The following ARHGAP24 variants were observed in gnomAD, a reference collection of about 807,000 sequenced individuals.
The protein encoded by ARHGAP24 is Rho GTPase activating protein 24.
In ARHGAP24, 50 loss-of-function variants were observed where a neutral mutation model predicts 76.4. The observed-to-expected ratio is 0.65, with a 90% confidence interval of 0.52 to 0.83. The LOEUF (loss-of-function observed/expected upper bound fraction) is 0.83, where lower values mean the gene tolerates loss of function less well. ARHGAP24 is among the 40% of genes least tolerant of loss of function. The probability of loss-of-function intolerance (pLI) is 0.00; values close to 1 mark genes in which losing one functional copy is unlikely to be tolerated. For synonymous variants in ARHGAP24, 345 were observed against 323.3 expected (o/e 1.07, Z -0.72); for missense variants, 930 against 914.2 (o/e 1.02, Z -0.22).
chr4:85,711,200 C>T (rs1269908508), intron 2 of ARHGAP24, among the ~76,000 whole-genome samples: 1 of 151,884 alleles, frequency 6.6e-6, no homozygotes, highest in African/African-American at 2.4e-5. Flanking sequence ...ATGATGAGAA[C>T]ACATGAACAC....
intron 2 of ARHGAP24, among the ~76,000 whole-genome samples, chr4:85,652,360 G>A (rs1721979087): frequency 6.6e-6 from 1 of 152,156 alleles, no homozygotes; most frequent in African/African-American, 2.4e-5. Flanking sequence ...ATGAAATGGA[G>A]TATAATTCAG....
intron 3 of ARHGAP24, among the ~76,000 whole-genome samples, chr4:85,851,755 T>C (rs1023572726): frequency 1.3e-5 from 2 of 152,190 alleles, no homozygotes; most frequent in Non-Finnish European, 1.5e-5. Context: ...ATTATTTTCT[T>C]TGAGAATGTT....
intron 6 of ARHGAP24, among the ~76,000 whole-genome samples, chr4:85,973,842 T>TTTTTG (rs1382966969): frequency 1.2e-5 from 1 of 80,568 alleles, no homozygotes; most frequent in Non-Finnish European, 2.6e-5. Flanking sequence ...TGTTTTTTTT[T>TTTTTG]TTTTTTTTTT....
At chr4:85,663,148 G>C (rs1435835334) in intron 2 of ARHGAP24, among the ~76,000 whole-genome samples, 2 of 151,464 alleles carry the variant, frequency 1.3e-5, no homozygotes, top group East Asian at 3.9e-4. Context: ...TCCTACCCAT[G>C]AGCATGGAAT....
At chr4:85,519,259 C>T (rs2110110104) in intron 1 of ARHGAP24, among the ~76,000 whole-genome samples, 1 of 152,212 alleles carries the variant, frequency 6.6e-6, no homozygotes, top group South Asian at 2.1e-4. Flanking sequence ...TTAGTAGGTG[C>T]TGAATGTCAT....
At chr4:85,737,253 C>A (rs2110057326) in intron 3 of ARHGAP24, among the ~76,000 whole-genome samples, 1 of 152,264 alleles carries the variant, frequency 6.6e-6, no homozygotes, top group Admixed American at 6.5e-5. Flanking sequence ...ATGTAAAATT[C>A]ACCCATTCTG....
At chr4:85,557,870 G>T (rs889771504) in intron 1 of ARHGAP24, among the ~76,000 whole-genome samples, 1 of 152,158 alleles carries the variant, frequency 6.6e-6, no homozygotes, top group African/African-American at 2.4e-5. Flanking sequence ...TATCTTTAAT[G>T]AAGTGTACAT....
intron 2 of ARHGAP24, among the ~76,000 whole-genome samples, chr4:85,654,013 T>C (rs1282866371): frequency 6.6e-6 from 1 of 152,108 alleles, no homozygotes; most frequent in African/African-American, 2.4e-5. Flanking sequence ...AGATGTAGCA[T>C]TTTTGGTACT....
intron 2 of ARHGAP24, among the ~76,000 whole-genome samples, chr4:85,712,497 A>G (rs1395655664): frequency 6.6e-6 from 1 of 152,194 alleles, no homozygotes; most frequent in Admixed American, 6.5e-5. Context: ...GGATTAAAAC[A>G]AAAGACATTT....
intron 2 of ARHGAP24, among the ~76,000 whole-genome samples, chr4:85,699,617 A>G (rs1289518856): frequency 6.6e-6 from 1 of 150,890 alleles, no homozygotes; most frequent in Non-Finnish European, 1.5e-5. Context: ...TTTTTTTTTA[A>G]TTTACTTTTC....
intron 3 of ARHGAP24, among the ~76,000 whole-genome samples, chr4:85,794,128 C>A (rs1728244427): frequency 6.6e-6 from 1 of 152,104 alleles, no homozygotes; most frequent in Non-Finnish European, 1.5e-5. Context: ...GGACAAAATT[C>A]TTTGTACTAT....
intron 5 of ARHGAP24, among the ~76,000 whole-genome samples, chr4:85,954,166 T>C (rs917651059): frequency 2.1e-4 from 32 of 152,194 alleles, no homozygotes; most frequent in Non-Finnish European, 4.4e-4. Flanking sequence ...GGCAGAAAAA[T>C]CCATCATCTG....
intron 3 of ARHGAP24, among the ~76,000 whole-genome samples, chr4:85,770,209 C>T (rs1469014731): frequency 6.6e-6 from 1 of 152,206 alleles, no homozygotes; most frequent in Admixed American, 6.5e-5. Flanking sequence ...TGGATTCACT[C>T]TTATTGTAAA....
intron 3 of ARHGAP24, among the ~76,000 whole-genome samples, chr4:85,876,498 C>T (rs1194766723): frequency 1.3e-5 from 2 of 152,138 alleles, no homozygotes; most frequent in Non-Finnish European, 2.9e-5. Flanking sequence ...AAGATCTCTG[C>T]TCTCAATCCC....
At chr4:85,880,295 T>C (rs979715331) in intron 3 of ARHGAP24, among the ~76,000 whole-genome samples, 1 of 152,158 alleles carries the variant, frequency 6.6e-6, no homozygotes, top group East Asian at 1.9e-4. Context: ...GTGAGGTGAA[T>C]GGCACAGGCA....
chr4:85,515,328 T>C (rs561510560), intron 1 of ARHGAP24, among the ~76,000 whole-genome samples: 13 of 151,852 alleles, frequency 8.6e-5, no homozygotes, highest in Admixed American at 2.6e-4. Flanking sequence ...GTCTCCCTTC[T>C]ATCTATAACT....
chr4:85,923,133 A>G (rs1253833929), intron 3 of ARHGAP24, among the ~76,000 whole-genome samples: 1 of 151,942 alleles, frequency 6.6e-6, no homozygotes, highest in Non-Finnish European at 1.5e-5. Flanking sequence ...AGGCATAGAG[A>G]AGAACCTCTG....
At chr4:85,827,472 G>GTGTGTA (rs1471304651) in intron 3 of ARHGAP24, among the ~76,000 whole-genome samples, 1 of 129,028 alleles carries the variant, frequency 7.8e-6, no homozygotes, top group Admixed American at 7.8e-5. Flanking sequence ...GTGTGTGTGT[G>GTGTGTA]TGTGTGTGTG....
At chr4:85,894,978 AAAAAAAAAAACAAAACAAAAAGC>A (rs1560701596) in intron 3 of ARHGAP24, among the ~76,000 whole-genome samples, 5 of 38,054 alleles carry the variant, frequency 1.3e-4, no homozygotes, top group Admixed American at 5.6e-4. Context: ...AAAAAAAAAA[AAAAAAAAAAACAAAACAAAAAGC>A]AAAAAAAAAA....
Sources: gnomAD v4.1 joint callset for allele counts (sites outside exome capture counted in the v4.1 genomes callset) on GRCh38, gnomAD v4.1.1 for gene constraint, MANE v1.5 for transcripts, NCBI Gene and HGNC (gene_info 2026-07-23, HGNC 2026-07-21) for gene names.